Variants in ABI3BP observed in about 807,000 individuals in gnomAD.
The protein encoded by ABI3BP is ABI family member 3 binding protein.
A neutral mutation model predicts 268.6 loss-of-function variants in ABI3BP; 216 were observed. The observed-to-expected ratio is 0.80, with a 90% CI of 0.72 to 0.90. ABI3BP has a LOEUF of 0.90. ABI3BP is among the 40% of genes least tolerant of loss of function. The pLI, the probability that ABI3BP is intolerant of heterozygous loss-of-function variation, is 0.00. For synonymous variants in ABI3BP, 730 were observed against 730.0 expected (o/e 1.00, Z 0.00); for missense variants, 2,090 against 2,182.4 (o/e 0.96, Z 0.84).
intron 1 of ABI3BP, among the ~76,000 whole-genome samples, chr3:100,935,723 T>G (rs1201868332): frequency 1.3e-5 from 2 of 152,160 alleles, no homozygotes; most frequent in African/African-American, 4.8e-5. Context: ...CCTAGGTATT[T>G]TATTCTCTTT....
At chr3:100,846,559 A>C in intron 19 of ABI3BP, 113 bp from the exon 20 acceptor site, 2 of 670,072 alleles carry the variant, frequency 3.0e-6, no homozygotes, top group Admixed American at 3.1e-5. Flanking sequence ...GAATGAACTC[A>C]TCGTCTTGGA....
At chr3:100,981,425 G>T (rs2089378916) in intron 1 of ABI3BP, among the ~76,000 whole-genome samples, 1 of 152,044 alleles carries the variant, frequency 6.6e-6, no homozygotes. Flanking sequence ...GAAAGAGGAG[G>T]GGCAGGAGAA....
intron 6 of ABI3BP, among the ~76,000 whole-genome samples, chr3:100,883,892 A>T (rs1158649018): frequency 6.6e-6 from 1 of 152,136 alleles, no homozygotes; most frequent in Non-Finnish European, 1.5e-5. Context: ...AACAATTAGA[A>T]GTAACTTAAA....
chr3:100,976,361 A>G (rs2086207612), intron 1 of ABI3BP, among the ~76,000 whole-genome samples: 1 of 152,192 alleles, frequency 6.6e-6, no homozygotes, highest in African/African-American at 2.4e-5. Flanking sequence ...ATTGTGCAGA[A>G]TGGCAGAGAA....
chr3:100,968,113 T>A (rs2153837545), intron 1 of ABI3BP, among the ~76,000 whole-genome samples: 1 of 152,314 alleles, frequency 6.6e-6, no homozygotes, highest in Middle Eastern at 3.4e-3. Flanking sequence ...TGGCCATACC[T>A]GCCCCATATT....
Position 100,897,133 on chromosome 3 carries a change from A to G in ABI3BP, c.461+1629T>C, listed in dbSNP as rs538857543. Among the ~76,000 whole-genome samples, 164 of 152,320 alleles carry G rather than the reference A, an allele frequency of 1.1e-3. 2 individuals are homozygous for G. Among genetic ancestry groups the G allele is most frequent in the African/African-American group, 3.8e-3 (159 of 41,582 alleles). ...AATAGCCTTAGTGTAAGGGAAATAC[A>G]TATCAAAACTGTAATGAAAAACTAC... On this transcript the variant is annotated intron_variant, in intron 4 of 67. Coordinates refer to ENST00000471714, the MANE Select transcript of ABI3BP (RefSeq NM_001375547.2).
At position 100,770,917 on chromosome 3, in the gene ABI3BP, T is replaced by A. The variant is rs764590389; in HGVS notation, c.4567A>T (p.Ser1523Cys). 2 of 1,596,022 alleles carry A rather than the reference T, an allele frequency of 1.3e-6. No individual in the cohort carries two copies. Among genetic ancestry groups the A allele is most frequent in the Non-Finnish European group, 1.7e-6 (2 of 1,171,242 alleles). Residue 1523 changes from serine (S) to cysteine (C), a missense_variant, in exon 62 of 68, where the codon AGT becomes TGT. Physicochemically the swap from Ser to Cys is moderately radical, Grantham distance 112 (BLOSUM62 -1). Coordinates refer to ENST00000471714, the MANE Select transcript of ABI3BP (RefSeq NM_001375547.2). ...ACAGAGTCAGTAATGGAGCAGGGAC[T>A]GTTGTCAGGCTTTTGGATGTATCGC... Reference protein sequence around the residue: ...HVRYIQKPDNSPCSITDSVKR... With the variant: ...HVRYIQKPDNCPCSITDSVKR...
intron 52 of ABI3BP, 66 bp downstream of exon 52, chr3:100,796,343 T>G: frequency 7.7e-7 from 1 of 1,301,524 alleles, no homozygotes. Context: ...AAAATATATT[T>G]ACTTCAAGAA....
At chr3:100,797,231 G>A (rs555871745) in intron 51 of ABI3BP, among the ~76,000 whole-genome samples, 1 of 152,084 alleles carries the variant, frequency 6.6e-6, no homozygotes, top group Middle Eastern at 3.4e-3. Context: ...TAATGTTTGT[G>A]TTCTATTTTA....
intron 63 of ABI3BP, among the ~76,000 whole-genome samples, chr3:100,756,603 CT>C (rs2095631537): frequency 6.6e-6 from 1 of 152,162 alleles, no homozygotes; most frequent in African/African-American, 2.4e-5. Flanking sequence ...TCATAGCCAT[CT>C]GGACTTTGAT....
intron 56 of ABI3BP, 62 bp from the exon 57 acceptor site, chr3:100,787,864 C>A: frequency 1.6e-6 from 2 of 1,229,924 alleles, no homozygotes; most frequent in Non-Finnish European, 2.2e-6. Flanking sequence ...CCGAGAAAAA[C>A]AAAATTTCTC....
chr3:100,820,186 G>T, intron 40 of ABI3BP, 34 bp downstream of exon 40: 3 of 1,489,408 alleles, frequency 2.0e-6, no homozygotes, highest in African/African-American at 2.8e-5. Context: ...AGAGCAGCTA[G>T]GATGAGCTAC....
chr3:100,929,528 T>C (rs980419150), intron 1 of ABI3BP, among the ~76,000 whole-genome samples: 6 of 152,082 alleles, frequency 3.9e-5, no homozygotes, highest in African/African-American at 1.4e-4. Flanking sequence ...TTTAAAATGT[T>C]CTGAAAGAGA....
chr3:100,759,711 G>A (rs953600967), intron 63 of ABI3BP, among the ~76,000 whole-genome samples: 1 of 152,162 alleles, frequency 6.6e-6, no homozygotes, highest in African/African-American at 2.4e-5. Context: ...ATAGACTAGT[G>A]GAGTTATGTA....
chr3:100,833,161 T>C lies in ABI3BP; in HGVS notation c.2282-4A>G. 1.3e-6 allele frequency: 2 copies of C among 1,534,084 alleles called. No homozygotes were observed. The highest frequency in any genetic ancestry group is 1.7e-6 in the Non-Finnish European group (2 of 1,145,530). Reference sequence around the variant, plus strand: ...CCAGGAGTAATAGGTCCAAAGTCTGTAGCAAGAAATGATCAAAAGCAATTT... The same window carrying C: ...CCAGGAGTAATAGGTCCAAAGTCTGCAGCAAGAAATGATCAAAAGCAATTT... On this transcript the variant is annotated splice_polypyrimidine_tract_variant and splice_region_variant and intron_variant, in intron 29 of 67. Coordinates refer to ENST00000471714, the MANE Select transcript of ABI3BP (RefSeq NM_001375547.2).
chr3:100,769,756 A>G (rs989940178), intron 62 of ABI3BP, among the ~76,000 whole-genome samples: 5 of 152,222 alleles, frequency 3.3e-5, no homozygotes, highest in Admixed American at 2.0e-4. Context: ...CAGGACTAGG[A>G]AAATCTCCAG....
At chr3:100,969,444 A>G (rs1052487824) in intron 1 of ABI3BP, among the ~76,000 whole-genome samples, 6 of 152,220 alleles carry the variant, frequency 3.9e-5, no homozygotes, top group Non-Finnish European at 8.8e-5. Context: ...AGAGCCAAGT[A>G]CTAAAGGGAT....
chr3:100,901,785 A>C (rs545485099), intron 3 of ABI3BP, among the ~76,000 whole-genome samples: 1 of 151,994 alleles, frequency 6.6e-6, no homozygotes, highest in Admixed American at 6.5e-5. Flanking sequence ...AAAAAAAAAG[A>C]AAAGCAAAAT....
At chr3:100,852,085 G>A (rs62277065) in intron 14 of ABI3BP, 145 bp from the exon 15 acceptor site, 167,349 of 683,068 alleles carry the variant, frequency 0.24, 22,560 homozygotes, top group South Asian at 0.31. Context: ...CAGGCTGCCA[G>A]CCTTGTCACT....
Sources: gnomAD v4.1 joint callset for allele counts (sites outside exome capture counted in the v4.1 genomes callset) on GRCh38, gnomAD v4.1.1 for gene constraint, MANE v1.5 for transcripts, NCBI Gene and HGNC (gene_info 2026-07-23, HGNC 2026-07-21) for gene names.